Variants in PTGER4 observed in about 807,000 individuals in gnomAD.
The protein encoded by PTGER4 is prostaglandin E receptor 4, also known as prostaglandin E2 receptor EP4 subtype.
PTGER4 carries 11 observed loss-of-function variants against 33.2 expected under a neutral mutation model. That is an observed-to-expected ratio of 0.33 (90% CI 0.21 to 0.55). PTGER4 has a LOEUF of 0.55. Among genes scored for constraint, PTGER4 ranks in the 20% least tolerant of loss-of-function variants. PTGER4 has a pLI of 0.92. For synonymous variants in PTGER4, 275 were observed against 281.5 expected (o/e 0.98, Z 0.23); for missense variants, 481 against 650.2 (o/e 0.74, Z 2.83).
At chr5:40,710,386 A>T in the PTGER4 span, among the ~76,000 whole-genome samples, 3 of 152,156 alleles carry the variant, frequency 2.0e-5, no homozygotes, top group African/African-American at 7.2e-5. Context: ...GATACCATCT[A>T]ACACCAGTTA....
At chr5:40,733,370 T>G in the PTGER4 span, among the ~76,000 whole-genome samples, 1 of 152,136 alleles carries the variant, frequency 6.6e-6, no homozygotes, top group African/African-American at 2.4e-5. Flanking sequence ...TATTCAACTC[T>G]ATTACTGTAT....
Position 40,684,866 on chromosome 5 carries a change from A to C in PTGER4, c.867+3006A>C, listed in dbSNP as rs773613837. Among the ~76,000 whole-genome samples the C allele has an allele frequency of 2.8e-4, 42 of 152,122 alleles. 1 individual carries two copies. The highest frequency in any genetic ancestry group is 2.6e-3 in the Admixed American group (39 of 15,270). On this transcript the variant is annotated intron_variant, in intron 2 of 2. Transcript: ENST00000302472. ...AGAATTTTGGAAGTGAGAACTTCTA[A>C]AATTTTGTGAGAACAAGAAGTGAGA...
the PTGER4 span, among the ~76,000 whole-genome samples, chr5:40,704,343 T>G: frequency 6.6e-6 from 1 of 152,148 alleles, no homozygotes; most frequent in Non-Finnish European, 1.5e-5. Flanking sequence ...CTCAAAATAG[T>G]AAGAGCCATC....
At chr5:40,705,043 C>T in the PTGER4 span, among the ~76,000 whole-genome samples, 1 of 151,978 alleles carries the variant, frequency 6.6e-6, no homozygotes, top group East Asian at 1.9e-4. Flanking sequence ...AAGAACAAAG[C>T]TGGAGGAATC....
In PTGER4 at chr5:40,681,262, C is replaced by T; in HGVS notation, c.269C>T (p.Pro90Leu). Residue 90 changes from proline to leucine, a missense_variant, in exon 2 of 3, where the codon CCG (proline) becomes CTG (leucine). Pro to Leu is a moderately conservative substitution (Grantham distance 98, BLOSUM62 -3). This residue lies in a region of PTGER4 where 61 missense variants were observed against 145.2 expected (regional missense o/e 0.42). Transcript: ENST00000302472. The surrounding 1 kb of genome is among the most constrained non-coding windows in gnomAD (Gnocchi z 9.8). ...AAGGGCCAATGGCCCGGGGGCCAGCCGCTGTGCGAGTACAGCACCTTCATT... is the reference window on the plus strand; with the variant it reads ...AAGGGCCAATGGCCCGGGGGCCAGCTGCTGTGCGAGTACAGCACCTTCATT... ...YMKGQWPGGQPLCEYSTFILL... is the reference protein window; with the variant it reads ...YMKGQWPGGQLLCEYSTFILL... The T allele has an allele frequency of 2.5e-6, 4 of 1,614,172 alleles. No homozygotes were observed. The African/African-American group carries it at 4.0e-5, about 16-fold the overall frequency.
In PTGER4 at chr5:40,692,625, A is replaced by ACCACCG; in HGVS notation, c.*247_*248insCCACCG. 2 of 1,233,588 alleles carry ACCACCG rather than the reference A, an allele frequency of 1.6e-6. No individual in the cohort carries two copies. Among genetic ancestry groups the ACCACCG allele is most frequent in the East Asian group, 3.7e-5 (1 of 27,024 alleles). 76.4% of individuals were successfully genotyped at this position (1,233,588 alleles called of 1,614,324 possible). On this transcript the variant is annotated 3_prime_UTR_variant, in exon 3 of 3. Transcript: ENST00000302472. ...TTGTGGTCACAACTTGATGGCTGCG[A>ACCACCG]AGACCTACCCTCCGTTTTTCTACTA...
the PTGER4 span, among the ~76,000 whole-genome samples, chr5:40,705,311 T>G: frequency 6.6e-6 from 1 of 152,106 alleles, no homozygotes; most frequent in Admixed American, 6.5e-5. Flanking sequence ...TTACACCATA[T>G]ACAAAAATCA....
chr5:40,745,101 A>G, the PTGER4 span, among the ~76,000 whole-genome samples: 1 of 152,186 alleles, frequency 6.6e-6, no homozygotes, highest in Non-Finnish European at 1.5e-5. Flanking sequence ...AGTCAGTGTC[A>G]TGGGGGATAA....
At chr5:40,738,038 G>A in the PTGER4 span, among the ~76,000 whole-genome samples, 3 of 152,144 alleles carry the variant, frequency 2.0e-5, no homozygotes, top group Admixed American at 2.0e-4. Context: ...GTCTTTGTGT[G>A]GATATAATGT....
chr5:40,707,723 T>A, the PTGER4 span, among the ~76,000 whole-genome samples: 1 of 152,098 alleles, frequency 6.6e-6, no homozygotes, highest in Non-Finnish European at 1.5e-5. Context: ...ATCAACAGAA[T>A]ACACATTATT....
At chr5:40,723,134 C>T in the PTGER4 span, among the ~76,000 whole-genome samples, 1 of 151,990 alleles carries the variant, frequency 6.6e-6, no homozygotes, top group South Asian at 2.1e-4. Flanking sequence ...ATAACCTTAC[C>T]CCCAACCCCG....
At chr5:40,716,088 T>C in the PTGER4 span, 1 of 1,406,970 alleles carries the variant, frequency 7.1e-7, no homozygotes, top group Non-Finnish European at 9.6e-7. Flanking sequence ...TGTCTCTATG[T>C]CAAAACTTCA....
the PTGER4 span, among the ~76,000 whole-genome samples, chr5:40,707,293 G>A: frequency 2.0e-5 from 3 of 152,226 alleles, no homozygotes; most frequent in African/African-American, 2.4e-5. Context: ...CCCATTTCAC[G>A]TGCAGAGACA....
At chr5:40,730,460 C>G in the PTGER4 span, 1 of 754,052 alleles carries the variant, frequency 1.3e-6, no homozygotes, top group Non-Finnish European at 2.2e-6. Flanking sequence ...TTTAAGTGTA[C>G]AGTTCAGAGG....
At chr5:40,715,478 T>C in the PTGER4 span, 1 of 152,326 alleles carries the variant, frequency 6.6e-6, no homozygotes, top group Non-Finnish European at 1.5e-5. Context: ...TATTTATCAA[T>C]ACTTTACACT....
At chr5:40,735,056 G>A in the PTGER4 span, among the ~76,000 whole-genome samples, 1 of 152,288 alleles carries the variant, frequency 6.6e-6, no homozygotes, top group South Asian at 2.1e-4. Flanking sequence ...AGAACCTGGG[G>A]CAGGACCAAA....
chr5:40,686,658 T>C (rs115754422), intron 2 of PTGER4, among the ~76,000 whole-genome samples: 1 of 152,328 alleles, frequency 6.6e-6, no homozygotes, highest in African/African-American at 2.4e-5. Flanking sequence ...TCTGAACTTA[T>C]TGCATTTCCT....
At chr5:40,723,644 C>G in the PTGER4 span, among the ~76,000 whole-genome samples, 1 of 152,118 alleles carries the variant, frequency 6.6e-6, no homozygotes, top group Non-Finnish European at 1.5e-5. Context: ...GTGGGCGGAT[C>G]ACCTGAGACC....
At chr5:40,731,576 G>A in the PTGER4 span, among the ~76,000 whole-genome samples, 1 of 152,172 alleles carries the variant, frequency 6.6e-6, no homozygotes, top group African/African-American at 2.4e-5. Context: ...GAGCAAACAG[G>A]GAAGCCCCTT....
Sources: gnomAD v4.1 joint callset for allele counts (sites outside exome capture counted in the v4.1 genomes callset) on GRCh38, gnomAD v4.1.1 for gene constraint, gnomAD v4.1.1 regional missense constraint, Gnocchi (gnomAD v3.1) non-coding constraint, MANE v1.5 for transcripts, NCBI Gene and HGNC (gene_info 2026-07-23, HGNC 2026-07-21) for gene names.